Variants in UPF2 observed in about 807,000 individuals in gnomAD.
UPF2 encodes regulator of nonsense transcripts 2.
A neutral mutation model predicts 141.4 loss-of-function variants in UPF2; 17 were observed. That is an observed-to-expected ratio of 0.12 (90% confidence interval 0.08 to 0.18). The LOEUF is 0.18. Among genes scored for constraint, UPF2 ranks in the 10% least tolerant of loss-of-function variants. UPF2 has a pLI of 1.00. For missense variants in UPF2, 1,152 were observed against 1,515.9 expected, an observed-to-expected ratio of 0.76 and a Z score of 3.99; for synonymous variants, 540 against 498.0, an observed-to-expected ratio of 1.08 and a Z score of -1.12.
intron 3 of UPF2, among the ~76,000 whole-genome samples, chr10:12,022,766 G>A (rs1344822583): frequency 6.6e-6 from 1 of 152,142 alleles, no homozygotes; most frequent in African/African-American, 2.4e-5. Context: ...GAAAGTAAAA[G>A]CAGTACCATT....
chr10:11,984,341 G>A (rs959296915), intron 8 of UPF2, among the ~76,000 whole-genome samples: 3 of 152,008 alleles, frequency 2.0e-5, no homozygotes, highest in African/African-American at 7.3e-5. Context: ...ATTTTCAAGT[G>A]GTTTTAAAAT....
Position 11,998,770 on chromosome 10 carries a change from C to T in UPF2, c.1759-1013G>A, listed in dbSNP as rs901835860. Among the ~76,000 whole-genome samples, 6 of 152,034 alleles carry T rather than the reference C, an allele frequency of 3.9e-5. No homozygotes were observed. The highest frequency in any genetic ancestry group is 2.1e-4 in the South Asian group (1 of 4,828). ...TCGGGAGGCTGAGGCAGGAGAATGG[C>T]GTGAACCCGGGAGGCGGAGCTTGCA... On this transcript the variant is annotated intron_variant, in intron 7 of 21. Coordinates refer to ENST00000357604, the MANE Select transcript of UPF2 (RefSeq NM_015542.4). This position sits in a 1 kb window ranked among gnomAD's most constrained non-coding sequence, Gnocchi z 4.5.
intron 3 of UPF2, among the ~76,000 whole-genome samples, chr10:12,020,777 A>G (rs1478399916): frequency 6.6e-6 from 1 of 152,238 alleles, no homozygotes; most frequent in Non-Finnish European, 1.5e-5. Context: ...AAGCACAGAG[A>G]TGCCAGGTAA....
intron 6 of UPF2, among the ~76,000 whole-genome samples, chr10:12,001,143 G>A (rs573120667): frequency 6.6e-5 from 10 of 152,266 alleles, no homozygotes; most frequent in East Asian, 3.9e-4. Flanking sequence ...GGCCGGGTGC[G>A]GTGGCTCATG....
In UPF2 at chr10:12,014,786, A is replaced by G. The variant is rs1834189814; in HGVS notation, c.1146-602T>C. ...GAATCAGTTATCCTTAAACTTCCATAATGATTTGAATCAAGATTATCTTTT... is the reference window on the plus strand; with the variant it reads ...GAATCAGTTATCCTTAAACTTCCATGATGATTTGAATCAAGATTATCTTTT... On this transcript the variant is annotated intron_variant, in intron 3 of 21. Transcript: ENST00000357604. The surrounding 1 kb of genome is among the most constrained non-coding windows in gnomAD (Gnocchi z 5.0). Among the ~76,000 whole-genome samples, 1 of 152,204 alleles carries G rather than the reference A, an allele frequency of 6.6e-6. No individual in the cohort carries two copies.
In UPF2 at chr10:11,980,115, C is replaced by T. The variant is rs1199125119; in HGVS notation, c.1845-950G>A. On this transcript the variant is annotated intron_variant, in intron 8 of 21. Coordinates refer to ENST00000357604, the MANE Select transcript of UPF2 (RefSeq NM_015542.4). This position sits in a 1 kb window ranked among gnomAD's most constrained non-coding sequence, Gnocchi z 4.2. ...CTTCCATTGTCAAAGCACTCTTTCC[C>T]ATTACACAGGAATGATGCTCCAGAA... is the stretch of plus-strand genomic sequence containing the variant. 3.3e-5 allele frequency among the ~76,000 whole-genome samples: 5 copies of T among 152,156 alleles called. No individual in the cohort carries two copies. The highest frequency in any genetic ancestry group is 1.3e-4 in the Admixed American group (2 of 15,268).
At chr10:11,947,508 G>A (rs182154412) in intron 16 of UPF2, among the ~76,000 whole-genome samples, 1 of 152,214 alleles carries the variant, frequency 6.6e-6, no homozygotes, top group East Asian at 1.9e-4. Context: ...GAAGTGGGGT[G>A]CAATGGCTCA....
At chr10:12,025,548 C>CTAAA (rs141211300) in intron 3 of UPF2, among the ~76,000 whole-genome samples, 18,874 of 147,208 alleles carry the variant, frequency 0.13, 1,419 homozygotes, top group African/African-American at 0.22. Flanking sequence ...GACTCCATCT[C>CTAAA]TAAATAAATA....
intron 3 of UPF2, among the ~76,000 whole-genome samples, chr10:12,023,988 C>CA (rs1440886501): frequency 2.0e-5 from 3 of 151,590 alleles, no homozygotes; most frequent in Admixed American, 1.3e-4. Flanking sequence ...GACCTTGTCT[C>CA]AAAAAAACAA....
chr10:12,006,345 T>C (rs921430722), intron 4 of UPF2, among the ~76,000 whole-genome samples: 1 of 152,236 alleles, frequency 6.6e-6, no homozygotes, highest in East Asian at 1.9e-4. Context: ...TGAAAGTAAT[T>C]AACTTCCTAC....
chr10:11,981,890 T>C (rs141384015), intron 8 of UPF2, among the ~76,000 whole-genome samples: 181 of 152,342 alleles, frequency 1.2e-3, no homozygotes, highest in African/African-American at 3.9e-3. Flanking sequence ...TTCCCCATAT[T>C]GGCCAGGCTG....
Position 12,042,066 on chromosome 10 carries a change from G to A in UPF2, c.-19+689C>T, listed in dbSNP as rs987820161. Among the ~76,000 whole-genome samples, 1 of 152,064 alleles carries A rather than the reference G, an allele frequency of 6.6e-6. No homozygotes were observed. The highest frequency in any genetic ancestry group is 1.5e-5 in the Non-Finnish European group (1 of 68,012). On this transcript the variant is annotated intron_variant, in intron 1 of 21. Transcript: ENST00000357604. The surrounding 1 kb of genome is among the most constrained non-coding windows in gnomAD (Gnocchi z 5.5). Reference sequence around the variant, plus strand: ...TGAAGGTAAAGTGAAGAATCAACCAGCCTATGTGATTAAAAGGAAGTCAAC... The same window carrying A: ...TGAAGGTAAAGTGAAGAATCAACCAACCTATGTGATTAAAAGGAAGTCAAC...
chr10:12,041,864 GAT>G (rs1834740031), intron 1 of UPF2, among the ~76,000 whole-genome samples: 1 of 152,168 alleles, frequency 6.6e-6, no homozygotes, highest in South Asian at 2.1e-4. Context: ...ACTTTGATCT[GAT>G]GCATCGTTTC....
chr10:11,978,985 T>C, intron 9 of UPF2, 72 bp downstream of exon 9: 1 of 1,232,430 alleles, frequency 8.1e-7, no homozygotes, highest in Non-Finnish European at 1.2e-6. Flanking sequence ...TTACCAACAA[T>C]TACATTCTTA....
chr10:12,039,313 A>G (rs1173093334), intron 1 of UPF2, among the ~76,000 whole-genome samples: 2 of 152,300 alleles, frequency 1.3e-5, no homozygotes, highest in East Asian at 3.9e-4. Flanking sequence ...GATGGGAGAC[A>G]TGCTGGTAAA....
At chr10:11,938,877 TTTTTTG>T (rs1832899726) in intron 18 of UPF2, among the ~76,000 whole-genome samples, 2 of 110,334 alleles carry the variant, frequency 1.8e-5, no homozygotes, top group Non-Finnish European at 3.5e-5. Context: ...TTTTTTTTTT[TTTTTTG>T]GAGACGGAGT....
At chr10:11,962,618 T>C (rs537105169) in intron 11 of UPF2, among the ~76,000 whole-genome samples, 26 of 152,326 alleles carry the variant, frequency 1.7e-4, no homozygotes, top group Admixed American at 6.5e-4. Context: ...ACCTCGGGTC[T>C]CAGCAGTTAT....
intron 6 of UPF2, 110 bp from the exon 7 acceptor site, chr10:12,000,119 C>G (rs1347943033): frequency 1.1e-5 from 9 of 851,462 alleles, no homozygotes; most frequent in Non-Finnish European, 1.6e-5. Flanking sequence ...ATTTTTGTGC[C>G]CAGGAAAACA....
chr10:12,041,625 A>T (rs148038574), intron 1 of UPF2, among the ~76,000 whole-genome samples: 22 of 152,322 alleles, frequency 1.4e-4, no homozygotes, highest in African/African-American at 4.8e-4. Context: ...CTCCAGTATG[A>T]GAGAATGCGG....
Sources: gnomAD v4.1 joint callset for allele counts (sites outside exome capture counted in the v4.1 genomes callset) on GRCh38, gnomAD v4.1.1 for gene constraint, Gnocchi (gnomAD v3.1) non-coding constraint, MANE v1.5 for transcripts, NCBI Gene and HGNC (gene_info 2026-07-23, HGNC 2026-07-21) for gene names.